Variants in HIPK3 observed in about 807,000 individuals in gnomAD.
The protein encoded by HIPK3 is homeodomain-interacting protein kinase 3.
Under a neutral mutation model 124.2 loss-of-function variants are expected in HIPK3, and 47 were observed. The observed-to-expected ratio is 0.38, with a 90% confidence interval of 0.30 to 0.48. The LOEUF is 0.48. Among genes scored for constraint, HIPK3 ranks in the 20% least tolerant of loss-of-function variants. HIPK3 has a pLI of 0.98. For missense variants in HIPK3, 1,286 were observed against 1,454.3 expected, an observed-to-expected ratio of 0.88 and a Z score of 1.88; for synonymous variants, 482 against 515.2, an observed-to-expected ratio of 0.94 and a Z score of 0.87.
chr11:33,261,966 G>T (rs1420927068), intron 1 of HIPK3, among the ~76,000 whole-genome samples: 1 of 152,192 alleles, frequency 6.6e-6, no homozygotes, highest in Non-Finnish European at 1.5e-5. Context: ...GTAATGATCA[G>T]TGATAACCTT....
At chr11:33,335,277 G>A (rs1018767741) in intron 3 of HIPK3, among the ~76,000 whole-genome samples, 2 of 151,968 alleles carry the variant, frequency 1.3e-5, no homozygotes, top group Admixed American at 1.3e-4. Context: ...TGGGCACTTA[G>A]GACTTGTAGA....
intron 2 of HIPK3, among the ~76,000 whole-genome samples, chr11:33,328,241 C>T (rs1852866842): frequency 1.3e-5 from 2 of 152,026 alleles, no homozygotes; most frequent in African/African-American, 4.8e-5. Flanking sequence ...GTATGTTTTT[C>T]CTTTTTCAAA....
chr11:33,275,582 A>G (rs1388979514), intron 1 of HIPK3, among the ~76,000 whole-genome samples: 2 of 151,610 alleles, frequency 1.3e-5, no homozygotes, highest in Non-Finnish European at 2.9e-5. Flanking sequence ...CTGACTAGAA[A>G]CTCCTTTTTA....
intron 2 of HIPK3, among the ~76,000 whole-genome samples, chr11:33,310,217 G>A (rs147544737): frequency 0.01 from 1,550 of 151,460 alleles, 8 homozygotes; most frequent in Non-Finnish European, 0.015. Flanking sequence ...TGGCTGGCTG[G>A]CTGGCTATCT....
chr11:33,276,973 G>A (rs1851290348), intron 1 of HIPK3, among the ~76,000 whole-genome samples: 1 of 151,974 alleles, frequency 6.6e-6, no homozygotes, highest in African/African-American at 2.4e-5. Context: ...CCAAAGTGCT[G>A]GGATTACAGG....
At position 33,353,323 on chromosome 11, in the gene HIPK3, C is replaced by A. The variant is rs748083916; in HGVS notation, c.3403C>A (p.His1135Asn). ...ATLSSAAPVAHLLASPCTSRP... is the reference protein window; with the variant it reads ...ATLSSAAPVANLLASPCTSRP... ...CCTCAGTAGTGCTGCACCAGTGGCC[C>A]ACCTGTTAGCCTCTCCGTGTACCTC... The change falls in exon 17 of 17, where the codon CAC (histidine) becomes AAC (asparagine). Residue 1135 changes from histidine (H) to asparagine (N), a missense_variant. Coordinates refer to ENST00000303296, the MANE Select transcript of HIPK3 (RefSeq NM_005734.5). 1 of 1,614,128 alleles carries A rather than the reference C, an allele frequency of 6.2e-7. No individual in the cohort carries two copies. The highest frequency in any genetic ancestry group is 1.1e-5 in the South Asian group (1 of 91,078).
chr11:33,308,641 T>A (rs1170860252), intron 2 of HIPK3, among the ~76,000 whole-genome samples: 4 of 151,614 alleles, frequency 2.6e-5, no homozygotes, highest in Admixed American at 6.6e-5. Flanking sequence ...TGTGTGTGTG[T>A]GAGATTCTGC....
At chr11:33,343,292 T>TGTC (rs1554968563) in intron 8 of HIPK3, among the ~76,000 whole-genome samples, 1 of 149,548 alleles carries the variant, frequency 6.7e-6, no homozygotes, top group African/African-American at 2.5e-5. Flanking sequence ...TGTGTGTGTC[T>TGTC]TTTTTTGAGA....
In HIPK3 at chr11:33,258,961, G is replaced by T. The variant is rs1347816561; in HGVS notation, c.-3+1072G>T. Among the ~76,000 whole-genome samples the T allele has an allele frequency of 2.0e-5, 3 of 152,244 alleles. 1 individual carries two copies. Among genetic ancestry groups the T allele is most frequent in the Middle Eastern group, 6.8e-3 (2 of 294 alleles). ...GTCCAGTTTAGAGGGAAAGCGCATG[G>T]TTGGCTCTATTGTAAACTTTGTTTT... On this transcript the variant is annotated intron_variant, in intron 1 of 16. Transcript: ENST00000303296.
intron 1 of HIPK3, among the ~76,000 whole-genome samples, chr11:33,275,491 TG>T (rs1329922650): frequency 6.6e-6 from 1 of 152,168 alleles, no homozygotes; most frequent in Non-Finnish European, 1.5e-5. Context: ...TAGTGTCTCC[TG>T]CCTTTTTTTT....
At chr11:33,262,880 T>C (rs1010839654) in intron 1 of HIPK3, among the ~76,000 whole-genome samples, 1 of 152,204 alleles carries the variant, frequency 6.6e-6, no homozygotes, top group African/African-American at 2.4e-5. Flanking sequence ...TATAGTGGTA[T>C]GATCATAGCT....
chr11:33,327,946 T>C (rs1852860039), intron 2 of HIPK3, among the ~76,000 whole-genome samples: 1 of 152,214 alleles, frequency 6.6e-6, no homozygotes, highest in South Asian at 2.1e-4. Context: ...TTAACTATGT[T>C]GTTATATGCT....
intron 8 of HIPK3, among the ~76,000 whole-genome samples, chr11:33,344,371 A>G (rs1458701597): frequency 6.6e-6 from 1 of 152,208 alleles, no homozygotes; most frequent in East Asian, 1.9e-4. Context: ...GTCACCACTT[A>G]TACTGTGGTA....
rs529337987 is a variant in HIPK3, at chr11:33,300,495, T to C, written c.1097+12984T>C. ...AAGGTTCAGATTCCTGTTAGCATTT[T>C]TTAGCTATCAAGTATTTTTAAATTA... On this transcript the variant is annotated intron_variant, in intron 2 of 16. Coordinates refer to ENST00000303296, the MANE Select transcript of HIPK3 (RefSeq NM_005734.5). Among the ~76,000 whole-genome samples, 23 of 152,366 alleles carry C rather than the reference T, an allele frequency of 1.5e-4. No homozygotes were observed. In the South Asian group the frequency reaches 4.8e-3, roughly 32 times the overall value.
chr11:33,296,064 G>A (rs1851835541), intron 2 of HIPK3, among the ~76,000 whole-genome samples: 2 of 152,154 alleles, frequency 1.3e-5, no homozygotes, highest in South Asian at 2.1e-4. Context: ...CACAAGAAGA[G>A]CTTTTTTTCC....
chr11:33,282,513 C>G lies in HIPK3; in HGVS notation c.-2-3900C>G, dbSNP rs552470798. On this transcript the variant is annotated intron_variant, in intron 1 of 16. Coordinates refer to ENST00000303296, the MANE Select transcript of HIPK3 (RefSeq NM_005734.5). ...CTTGGCCAACATGACAAAACCCTGT[C>G]TCTACTAAAAATACAAAACATTAGC... Among the ~76,000 whole-genome samples the G allele has an allele frequency of 2.6e-5, 4 of 152,256 alleles. No homozygotes were observed. The East Asian group carries it at 7.7e-4, about 29-fold the overall frequency.
At chr11:33,317,304 T>C (rs1352087066) in intron 2 of HIPK3, among the ~76,000 whole-genome samples, 1 of 143,228 alleles carries the variant, frequency 7.0e-6, no homozygotes, top group South Asian at 2.2e-4. Context: ...TGAGTCTTGC[T>C]CTGTTGCCCA....
intron 2 of HIPK3, among the ~76,000 whole-genome samples, chr11:33,301,012 A>G (rs1001272027): frequency 6.6e-6 from 1 of 152,052 alleles, no homozygotes; most frequent in African/African-American, 2.4e-5. Flanking sequence ...ACCCGGTTTT[A>G]TGTGTATATT....
intron 8 of HIPK3, among the ~76,000 whole-genome samples, chr11:33,343,287 G>GTGTC (rs1554968561): frequency 0.01 from 1,447 of 142,460 alleles, 29 homozygotes; most frequent in African/African-American, 0.034. Context: ...GTGTGTGTGT[G>GTGTC]TGTCTTTTTT....
Sources: gnomAD v4.1 joint callset for allele counts (sites outside exome capture counted in the v4.1 genomes callset) on GRCh38, gnomAD v4.1.1 for gene constraint, MANE v1.5 for transcripts, NCBI Gene and HGNC (gene_info 2026-07-23, HGNC 2026-07-21) for gene names.